RFX4: variants seen among roughly 807,000 people sequenced by gnomAD.
RFX4 encodes the protein transcription factor RFX4.
In RFX4, 10 loss-of-function variants were observed where a neutral mutation model predicts 95.0. The ratio of observed to expected loss-of-function variants is 0.11; its 90% CI spans 0.06 to 0.18. The LOEUF is 0.18. RFX4 is among the 10% of genes least tolerant of loss of function. RFX4 has a pLI of 1.00. For synonymous variants in RFX4, 321 were observed against 340.7 expected (o/e 0.94, Z 0.64); for missense variants, 640 against 922.0 (o/e 0.69, Z 3.96).
chr12:106,602,129 C>T (rs981277790), intron 1 of RFX4, among the ~76,000 whole-genome samples: 2 of 152,208 alleles, frequency 1.3e-5, no homozygotes, highest in Admixed American at 6.5e-5. Context: ...CTAGCTCAGC[C>T]ATCAACTAGC....
chr12:106,753,172 T>C (rs971986962), intron 17 of RFX4, among the ~76,000 whole-genome samples: 2 of 152,266 alleles, frequency 1.3e-5, no homozygotes, highest in East Asian at 3.9e-4. Flanking sequence ...TTAAGACTGG[T>C]TACCTTTCTG....
At chr12:106,593,820 C>T (rs902806792) in intron 1 of RFX4, among the ~76,000 whole-genome samples, 3 of 152,162 alleles carry the variant, frequency 2.0e-5, no homozygotes, top group African/African-American at 7.2e-5. Flanking sequence ...AATCTAAATG[C>T]TCATGAATAA....
In RFX4 at chr12:106,697,965, T is replaced by C. The variant is rs560352206; in HGVS notation, c.833+1519T>C. 2.0e-4 allele frequency among the ~76,000 whole-genome samples: 30 copies of C among 151,774 alleles called. 1 individual carries two copies. The South Asian group carries it at 5.8e-3, about 29-fold the overall frequency. On this transcript the variant is annotated intron_variant, in intron 8 of 17. Transcript: ENST00000392842. ...TGTTCGTGTGTGTTTATAATTATTA[T>C]AATTATTATTATTATTTTTTTTTTG...
intron 4 of RFX4, among the ~76,000 whole-genome samples, chr12:106,657,512 C>T (rs921617389): frequency 1.3e-5 from 2 of 152,148 alleles, no homozygotes; most frequent in Non-Finnish European, 2.9e-5. Context: ...TCCAGTAATG[C>T]TGTATTGACT....
intron 3 of RFX4, among the ~76,000 whole-genome samples, chr12:106,641,328 T>C (rs2040617473): frequency 6.6e-6 from 1 of 152,178 alleles, no homozygotes; most frequent in South Asian, 2.1e-4. Flanking sequence ...TGCTTCAGTC[T>C]ACTCACCTGT....
At chr12:106,633,100 G>T (rs1462252625) in intron 2 of RFX4, among the ~76,000 whole-genome samples, 1 of 152,208 alleles carries the variant, frequency 6.6e-6, no homozygotes, top group Non-Finnish European at 1.5e-5. Context: ...GGTCAGGCCT[G>T]GGTGTGACAC....
chr12:106,666,263 C>T (rs1216923674), intron 4 of RFX4, among the ~76,000 whole-genome samples: 1 of 151,880 alleles, frequency 6.6e-6, no homozygotes, highest in Non-Finnish European at 1.5e-5. Context: ...TGTCTTTGTC[C>T]TATATAGGTA....
chr12:106,644,691 A>C (rs2137294139), intron 3 of RFX4, among the ~76,000 whole-genome samples: 1 of 152,280 alleles, frequency 6.6e-6, no homozygotes, highest in South Asian at 2.1e-4. Flanking sequence ...TTAACACTTA[A>C]AGTGTTGATG....
chr12:106,587,637 C>A (rs544481766), intron 1 of RFX4, among the ~76,000 whole-genome samples: 6 of 152,236 alleles, frequency 3.9e-5, no homozygotes, highest in Admixed American at 2.0e-4. Context: ...AGCCTCCCCC[C>A]TCACCCGTCC....
chr12:106,736,515 G>A (rs2042711741), intron 15 of RFX4, among the ~76,000 whole-genome samples: 1 of 152,114 alleles, frequency 6.6e-6, no homozygotes, highest in East Asian at 1.9e-4. Context: ...AAAAGGGCAC[G>A]GAGGATGAAA....
chr12:106,761,523 A>T lies in RFX4; in HGVS notation c.*54A>T. On this transcript the variant is annotated 3_prime_UTR_variant, in exon 18 of 18. Coordinates refer to ENST00000392842, the MANE Select transcript of RFX4 (RefSeq NM_213594.3). ...TTAATAATAATAATTAATAATAATA[A>T]TAAACCCAACACCCATCCCCCAGAA... 8.0e-7 allele frequency: 1 copy of T among 1,246,010 alleles called. No individual in the cohort carries two copies. Among genetic ancestry groups the T allele is most frequent in the Non-Finnish European group, 1.0e-6 (1 of 976,516 alleles). The allele number at this position is 1,246,010 out of a possible 1,614,324, so 77.2% of individuals were successfully genotyped here. A position where few individuals can be genotyped will look rare whatever the true frequency, so the allele number is the denominator to read the frequency against.
Position 106,685,517 on chromosome 12 carries a change from T to G in RFX4, c.378-1367T>G, listed in dbSNP as rs146451192. ...GCACTCAGTACCAGAGATCTCAAAC[T>G]GATGTGCTTTAGAATTACCCCTATG... On this transcript the variant is annotated intron_variant, in intron 5 of 17. Coordinates refer to ENST00000392842, the MANE Select transcript of RFX4 (RefSeq NM_213594.3). Among the ~76,000 whole-genome samples the G allele has an allele frequency of 8.1e-3, 1,232 of 152,318 alleles. 3 individuals carry two copies. The highest frequency in any genetic ancestry group is 0.012 in the Admixed American group (189 of 15,294).
chr12:106,647,912 A>T (rs1291662735), intron 3 of RFX4, among the ~76,000 whole-genome samples: 1 of 152,106 alleles, frequency 6.6e-6, no homozygotes, highest in Non-Finnish European at 1.5e-5. Context: ...TATGCTTGTA[A>T]GTGGTGGAGG....
At chr12:106,682,705 G>C (rs2041542127) in intron 5 of RFX4, 1 of 152,430 alleles carries the variant, frequency 6.6e-6, no homozygotes, top group Non-Finnish European at 1.5e-5. Context: ...AGCAACAAAA[G>C]AGGAATGGCC....
intron 2 of RFX4, among the ~76,000 whole-genome samples, chr12:106,628,784 CAG>C (rs2040357149): frequency 7.6e-6 from 1 of 130,888 alleles, no homozygotes; most frequent in African/African-American, 3.0e-5. Context: ...TTTTTTGAGA[CAG>C]AGTCTCGCTC....
chr12:106,684,657 C>T (rs2041602788), intron 5 of RFX4: 6 of 1,436,388 alleles, frequency 4.2e-6, no homozygotes, highest in Middle Eastern at 2.0e-4. Context: ...ACTGTCATCC[C>T]ACCTGAAGCC....
chr12:106,682,232 GA>G, intron 5 of RFX4, 178 bp downstream of exon 5: 1 of 611,878 alleles, frequency 1.6e-6, no homozygotes, highest in Non-Finnish European at 2.8e-6. Context: ...TCCTGAAAGA[GA>G]GGTTGTCCAA....
At chr12:106,616,356 T>C (rs2040073908) in intron 2 of RFX4, among the ~76,000 whole-genome samples, 1 of 152,204 alleles carries the variant, frequency 6.6e-6, no homozygotes, top group South Asian at 2.1e-4. Context: ...GGTGTGATTT[T>C]TATATATTTC....
At chr12:106,708,655 G>A (rs1045873705) in intron 8 of RFX4, among the ~76,000 whole-genome samples, 2 of 152,144 alleles carry the variant, frequency 1.3e-5, no homozygotes, top group Non-Finnish European at 2.9e-5. Context: ...GGAGGAGAAC[G>A]AACCTAGGCC....
Sources: allele counts gnomAD v4.1 joint callset (sites outside exome capture counted in the v4.1 genomes callset), GRCh38; gene constraint gnomAD v4.1.1; transcripts MANE v1.5; gene names NCBI Gene and HGNC (gene_info 2026-07-23, HGNC 2026-07-21).